Variants in KLHL13 observed in about 807,000 individuals in gnomAD.
KLHL13 encodes kelch-like protein 13.
In KLHL13, 10 loss-of-function variants were observed where a neutral mutation model predicts 37.1. The ratio of observed to expected loss-of-function variants is 0.27; its 90% CI spans 0.17 to 0.46. KLHL13 has a LOEUF of 0.46. KLHL13 is among the 20% of genes least tolerant of loss of function. The pLI is 1.00. For missense variants in KLHL13, 360 were observed against 509.3 expected, an observed-to-expected ratio of 0.71 and a Z score of 2.82; for synonymous variants, 163 against 181.2, an observed-to-expected ratio of 0.90 and a Z score of 0.81.
At chrX:118,101,441 G>T (rs758500494) in intron 1 of KLHL13, among the ~76,000 whole-genome samples, 1 of 111,437 alleles carries the variant, frequency 9.0e-6, no homozygotes, top group South Asian at 3.8e-4. Flanking sequence ...AGACAGAGAA[G>T]GAAAAACACT....
At chrX:117,960,253 C>T (rs1000323453) in intron 1 of KLHL13, among the ~76,000 whole-genome samples, 6 of 110,616 alleles carry the variant, frequency 5.4e-5, no homozygotes, top group African/African-American at 2.0e-4. Flanking sequence ...AATTAAAATA[C>T]CATCAAGCCC....
chrX:117,957,931 A>T (rs908969415), intron 1 of KLHL13, among the ~76,000 whole-genome samples: 13 of 111,935 alleles, frequency 1.2e-4, no homozygotes, highest in Non-Finnish European at 1.9e-4. Context: ...ACAGATTTTT[A>T]AAAAAACCTT....
intron 2 of KLHL13, among the ~76,000 whole-genome samples, chrX:117,935,713 G>A (rs1303675887): frequency 9.0e-6 from 1 of 110,712 alleles, no homozygotes; most frequent in Non-Finnish European, 1.9e-5. Flanking sequence ...CAGCAAAAGG[G>A]AAATCCACCC....
chrX:118,023,116 C>A (rs1421225388), intron 1 of KLHL13, among the ~76,000 whole-genome samples: 1 of 107,911 alleles, frequency 9.3e-6, no homozygotes, highest in Non-Finnish European at 1.9e-5. Context: ...ACAGTTTTCC[C>A]AGCACTATTT....
At chrX:118,060,377 G>A (rs993202998) in intron 1 of KLHL13, among the ~76,000 whole-genome samples, 3 of 110,828 alleles carry the variant, frequency 2.7e-5, no homozygotes, top group Non-Finnish European at 5.7e-5. Context: ...CCTATGACCC[G>A]CAAACCTCTC....
chrX:118,016,187 C>A (rs2054126984), intron 1 of KLHL13, among the ~76,000 whole-genome samples: 1 of 111,638 alleles, frequency 9.0e-6, no homozygotes, highest in Admixed American at 9.5e-5. Context: ...TCTTCCAATT[C>A]TTACATGTGA....
intron 2 of KLHL13, among the ~76,000 whole-genome samples, chrX:117,930,286 AAGGAAGGCAGGC>A (rs1932370171): frequency 4.5e-5 from 4 of 89,348 alleles, no homozygotes; most frequent in South Asian, 1.0e-3. Flanking sequence ...GGAAGGAAGG[AAGGAAGGCAGGC>A]AGGCAGGCAG....
At chrX:118,049,506 T>C in intron 1 of KLHL13, among the ~76,000 whole-genome samples, 1 of 111,317 alleles carries the variant, frequency 9.0e-6, no homozygotes, top group East Asian at 2.8e-4. Flanking sequence ...ATCATTTAGC[T>C]TATTCTCCTC....
chrX:118,042,796 T>C (rs995117705), intron 1 of KLHL13, among the ~76,000 whole-genome samples: 21 of 108,886 alleles, frequency 1.9e-4, no homozygotes, highest in African/African-American at 6.7e-4. Context: ...CAAAAAGATA[T>C]AAAATTCTAA....
intron 1 of KLHL13, among the ~76,000 whole-genome samples, chrX:118,093,695 TATTAGTAC>T (rs2055165967): frequency 9.0e-6 from 1 of 111,549 alleles, no homozygotes; most frequent in Non-Finnish European, 1.9e-5. Context: ...TTTTGTAACT[TATTAGTAC>T]ATTCAACAGC....
intron 1 of KLHL13, among the ~76,000 whole-genome samples, chrX:118,050,146 A>G (rs771075194): frequency 1.1e-3 from 125 of 111,736 alleles, no homozygotes; most frequent in Middle Eastern, 9.2e-3. Context: ...TCGGCCTCCC[A>G]AAGTGTTGGG....
intron 1 of KLHL13, among the ~76,000 whole-genome samples, chrX:118,075,800 T>C (rs1175142598): frequency 8.9e-6 from 1 of 112,000 alleles, no homozygotes; most frequent in Non-Finnish European, 1.9e-5. Flanking sequence ...TTCAATGAGA[T>C]CTTTCTTATT....
chrX:117,931,513 G>A (rs1461169490), intron 2 of KLHL13, among the ~76,000 whole-genome samples: 1 of 111,373 alleles, frequency 9.0e-6, no homozygotes, highest in East Asian at 2.8e-4. Context: ...GTAGGTGAAC[G>A]GAAGAAAGGC....
chrX:118,033,244 C>A (rs112714878), intron 1 of KLHL13, among the ~76,000 whole-genome samples: 1 of 110,598 alleles, frequency 9.0e-6, no homozygotes, highest in Non-Finnish European at 1.9e-5. Context: ...ACAGAGAACG[C>A]CACAAAGATA....
At chrX:117,899,948 T>A (rs1250681238) in intron 6 of KLHL13, among the ~76,000 whole-genome samples, 1 of 112,693 alleles carries the variant, frequency 8.9e-6, no homozygotes, top group Non-Finnish European at 1.9e-5. Flanking sequence ...TAAAAGCTTA[T>A]AAGAATATTC....
intron 1 of KLHL13, among the ~76,000 whole-genome samples, chrX:118,076,276 AT>A (rs1298006057): frequency 2.7e-5 from 3 of 111,225 alleles, no homozygotes; most frequent in Non-Finnish European, 5.7e-5. Flanking sequence ...CTTCTGAGAG[AT>A]TTTTTTTAAA....
At chrX:118,073,681 G>A (rs1319349094) in intron 1 of KLHL13, among the ~76,000 whole-genome samples, 1 of 111,982 alleles carries the variant, frequency 8.9e-6, no homozygotes, top group Non-Finnish European at 1.9e-5. Flanking sequence ...TGAAAGTTGT[G>A]GGAAGGGATG....
chrX:118,026,998 T>C (rs935212840), intron 1 of KLHL13, among the ~76,000 whole-genome samples: 2 of 111,605 alleles, frequency 1.8e-5, no homozygotes, highest in African/African-American at 6.5e-5. Flanking sequence ...ATCAAAGCAA[T>C]GGCTAGGAAA....
intron 1 of KLHL13, among the ~76,000 whole-genome samples, chrX:118,040,702 TAAG>T (rs773544063): frequency 1.8e-5 from 2 of 111,434 alleles, no homozygotes; most frequent in East Asian, 5.7e-4. Context: ...TATTCAAGTA[TAAG>T]AAGGTTACAG....
Sources: gnomAD v4.1 joint callset for allele counts (sites outside exome capture counted in the v4.1 genomes callset) on GRCh38, gnomAD v4.1.1 for gene constraint, MANE v1.5 for transcripts, NCBI Gene and HGNC (gene_info 2026-07-23, HGNC 2026-07-21) for gene names.